The following ZNF831 variants were observed in gnomAD, a reference collection of about 807,000 sequenced individuals.
ZNF831 encodes zinc finger protein 831, also known as chromosome 20 open reading frame 174.
In ZNF831, 59 loss-of-function variants were observed where a neutral mutation model predicts 95.8. That is an observed-to-expected ratio of 0.62 (90% CI 0.50 to 0.77). ZNF831 has a LOEUF of 0.77. ZNF831 is among the 30% of genes least tolerant of loss of function. ZNF831 has a pLI of 0.00. For missense variants in ZNF831, 2,205 were observed against 2,164.0 expected (o/e 1.02, Z -0.38); for synonymous variants, 961 against 925.5 (o/e 1.04, Z -0.70).
intron 4 of ZNF831, among the ~76,000 whole-genome samples, chr20:59,213,226 G>C (rs539355270): frequency 5.1e-4 from 78 of 152,286 alleles, no homozygotes; most frequent in African/African-American, 1.8e-3. Context: ...ATCAATACTT[G>C]ACTACGTTTT....
rs1280219348 is a variant in ZNF831 at position 59,217,905 on chromosome 20, G to A, written c.4027+10849G>A. The stretch of plus-strand genomic sequence containing the variant: ...TCCTCAGCAGAGGCACGATGGATCA[G>A]CCTGCTCTGGGGGGACTCTGTCACT... On this transcript the variant is annotated intron_variant, in intron 4 of 5. Coordinates refer to ENST00000371030, the MANE Select transcript of ZNF831 (RefSeq NM_178457.3). This position sits in a 1 kb window ranked among gnomAD's most constrained non-coding sequence, Gnocchi z 4.4. Among the ~76,000 whole-genome samples, 1 of 152,200 alleles carries A rather than the reference G, an allele frequency of 6.6e-6. No homozygotes were observed. Among genetic ancestry groups the A allele is most frequent in the East Asian group, 1.9e-4 (1 of 5,206 alleles).
chr20:59,226,481 A>G (rs1986439132), intron 4 of ZNF831, among the ~76,000 whole-genome samples: 1 of 151,946 alleles, frequency 6.6e-6, no homozygotes, highest in South Asian at 2.1e-4. Context: ...TTAATAAAGC[A>G]CTTTCACAAG....
intron 1 of ZNF831, among the ~76,000 whole-genome samples, chr20:59,137,803 A>G (rs2146441620): frequency 6.6e-6 from 1 of 152,308 alleles, no homozygotes; most frequent in South Asian, 2.1e-4. Flanking sequence ...ATTCTAAGAT[A>G]GGCCTACTCT....
intron 3 of ZNF831, among the ~76,000 whole-genome samples, chr20:59,206,396 T>C (rs1251649689): frequency 1.3e-5 from 2 of 152,238 alleles, no homozygotes; most frequent in East Asian, 3.8e-4. Flanking sequence ...TGCTGTCCAG[T>C]ACAGTGGTCA....
chr20:59,253,885 CA>C lies in ZNF831; in HGVS notation c.4189-12del. The C allele has an allele frequency of 4.8e-6, 3 of 621,582 alleles. No homozygotes were observed. The highest frequency in any genetic ancestry group is 3.0e-5 in the African/African-American group (1 of 33,818). 38.5% of individuals were successfully genotyped at this position (621,582 alleles called of 1,614,324 possible). On this transcript the variant is annotated splice_polypyrimidine_tract_variant and intron_variant, in intron 5 of 5. Transcript: ENST00000371030. ...CCCCCCCCACTTTTTTTTTCCTTTG[CA>C]CTTTGTTGCAGGATATTTCTCCATC... is the stretch of plus-strand genomic sequence containing the variant.
rs917179480 is a variant in ZNF831, at chr20:59,254,240, G to A, written c.4531G>A (p.Ala1511Thr). The A allele has an allele frequency of 6.8e-6, 11 of 1,614,074 alleles. No homozygotes were observed. Among genetic ancestry groups the A allele is most frequent in the Non-Finnish European group, 9.3e-6 (11 of 1,179,986 alleles). ...TDHIAQEIHS[A>T]ESRDHSQTAG... ...TCACATAGCCCAGGAAATTCACAGT[G>A]CTGAATCACGAGACCACAGCCAGAC... Residue 1511 changes from alanine to threonine, a missense_variant, in exon 6 of 6, where the codon GCT becomes ACT. Transcript: ENST00000371030. This position sits in a 1 kb window ranked among gnomAD's most constrained non-coding sequence, Gnocchi z 4.5.
chr20:59,174,228 C>A (rs957204018), intron 1 of ZNF831, among the ~76,000 whole-genome samples: 1 of 152,112 alleles, frequency 6.6e-6, no homozygotes, highest in African/African-American at 2.4e-5. Flanking sequence ...GCTGGCTTTA[C>A]GCGGCTTTAG....
chr20:59,125,742 T>C (rs1979153220), intron 1 of ZNF831, among the ~76,000 whole-genome samples: 1 of 152,184 alleles, frequency 6.6e-6, no homozygotes, highest in Non-Finnish European at 1.5e-5. Context: ...TGTTTATTAG[T>C]TTCTGCTTTA....
chr20:59,235,592 C>A (rs1243664454), intron 4 of ZNF831, among the ~76,000 whole-genome samples: 1 of 152,090 alleles, frequency 6.6e-6, no homozygotes, highest in Admixed American at 6.5e-5. Context: ...CTTTTATTTT[C>A]ATTGAAAATA....
exon 2 of ZNF831, chr20:59,146,232 A>G (rs1014207881): frequency 6.7e-6 from 1 of 148,926 alleles, no homozygotes; most frequent in Non-Finnish European, 1.5e-5. Context: ...AATTTCCAGC[A>G]GTCGGTTTTT....
At chr20:59,249,055 C>T (rs1223504549) in intron 4 of ZNF831, among the ~76,000 whole-genome samples, 1 of 152,222 alleles carries the variant, frequency 6.6e-6, no homozygotes, top group Non-Finnish European at 1.5e-5. Flanking sequence ...TCCACATTGG[C>T]CCCCCATGGG....
At chr20:59,132,245 C>G (rs1979369931) in intron 1 of ZNF831, among the ~76,000 whole-genome samples, 1 of 151,746 alleles carries the variant, frequency 6.6e-6, no homozygotes, top group African/African-American at 2.4e-5. Flanking sequence ...CAGCGATGTC[C>G]CATAATTTAG....
At position 59,255,435 on chromosome 20, in the gene ZNF831, A is replaced by C. The variant is rs1988131030; in HGVS notation, c.*692A>C. On this transcript the variant is annotated 3_prime_UTR_variant, in exon 6 of 6. Transcript: ENST00000371030. ...AAATGGTCAATGCTTATTTATGGTC[A>C]GATGATGCAAGCACATGCTCTTGTG... 1 of 152,318 alleles carries C rather than the reference A, an allele frequency of 6.6e-6. No homozygotes were observed. Among genetic ancestry groups the C allele is most frequent in the Non-Finnish European group, 1.5e-5 (1 of 68,070 alleles). 9.4% of individuals were successfully genotyped at this position (152,318 alleles called of 1,614,324 possible).
chr20:59,171,915 T>C (rs1455201537), intron 1 of ZNF831, among the ~76,000 whole-genome samples: 1 of 152,216 alleles, frequency 6.6e-6, no homozygotes, highest in Non-Finnish European at 1.5e-5. Flanking sequence ...AGTATGAGTA[T>C]GTACTTTTCT....
chr20:59,129,210 G>A (rs933508912), intron 1 of ZNF831, among the ~76,000 whole-genome samples: 2 of 152,160 alleles, frequency 1.3e-5, no homozygotes, highest in East Asian at 1.9e-4. Context: ...GCATTTGTGT[G>A]TGTGTATGTT....
At chr20:59,177,310 T>G (rs748534472) in intron 1 of ZNF831, among the ~76,000 whole-genome samples, 1 of 152,172 alleles carries the variant, frequency 6.6e-6, no homozygotes, top group African/African-American at 2.4e-5. Context: ...CCCAGGGAAA[T>G]AGTATACTTG....
At chr20:59,188,928 C>T (rs1339186885) in intron 1 of ZNF831, among the ~76,000 whole-genome samples, 1 of 152,132 alleles carries the variant, frequency 6.6e-6, no homozygotes, top group African/African-American at 2.4e-5. Flanking sequence ...TGCCTATAAT[C>T]CCAGCACTTT....
intron 2 of ZNF831, among the ~76,000 whole-genome samples, chr20:59,158,230 G>A (rs1358627103): frequency 6.6e-6 from 1 of 152,242 alleles, no homozygotes; most frequent in Non-Finnish European, 1.5e-5. Flanking sequence ...CTCCGGGGGA[G>A]CATTGGGCAC....
At position 59,206,945 on chromosome 20, in the gene ZNF831, G is replaced by A. The variant is rs1338022884; in HGVS notation, c.3916G>A (p.Ala1306Thr). Residue 1306 changes from alanine (A) to threonine (T), a missense_variant, in exon 4 of 6, where the codon GCC becomes ACC. Ala to Thr is a moderately conservative substitution (Grantham distance 58). Coordinates refer to ENST00000371030, the MANE Select transcript of ZNF831 (RefSeq NM_178457.3). Reference sequence around the variant, plus strand: ...CTTGCAGAGCTGTGTTCAGCTGAGAGCCAGTAGACTTCGCACACCAACCTG... The same window carrying A: ...CTTGCAGAGCTGTGTTCAGCTGAGAACCAGTAGACTTCGCACACCAACCTG... ...NFLQSCVQLR[A>T]SRLRTPTWVR... 2.5e-6 allele frequency: 4 copies of A among 1,614,216 alleles called. No individual in the cohort carries two copies. In the East Asian group the frequency reaches 6.7e-5, roughly 27 times the overall value.
Sources: allele counts gnomAD v4.1 joint callset (sites outside exome capture counted in the v4.1 genomes callset), GRCh38; gene constraint gnomAD v4.1.1; non-coding constraint Gnocchi (gnomAD v3.1); transcripts MANE v1.5; gene names NCBI Gene and HGNC (gene_info 2026-07-23, HGNC 2026-07-21).